MSRB3: variants seen among roughly 807,000 people sequenced by gnomAD.
The protein encoded by MSRB3 is methionine-R-sulfoxide reductase B3.
Under a neutral mutation model 21.0 loss-of-function variants are expected in MSRB3, and 13 were observed. That is an observed-to-expected ratio of 0.62 (90% CI 0.40 to 0.98). MSRB3 has a LOEUF of 0.98. MSRB3 is among the 50% of genes least tolerant of loss of function. The probability of loss-of-function intolerance (pLI) is 0.00; values close to 1 mark genes in which losing one functional copy is unlikely to be tolerated. For missense variants in MSRB3, 199 were observed against 230.3 expected (o/e 0.86, Z 0.88); for synonymous variants, 87 against 88.6 (o/e 0.98, Z 0.10).
rs188086969 is a variant in MSRB3 at position 65,329,258 on chromosome 12, A to G, written c.263+655A>G. On this transcript the variant is annotated intron_variant, in intron 4 of 6. Coordinates refer to ENST00000308259, the MANE Select transcript of MSRB3 (RefSeq NM_001031679.3). ...TATTCAAGAAAGGGAAATCTTTACC[A>G]AAAACTTATTTATCTAGGTGGAGAA... Among the ~76,000 whole-genome samples, 322 of 152,338 alleles carry G rather than the reference A, an allele frequency of 2.1e-3. 6 individuals carry two copies. Among genetic ancestry groups the G allele is most frequent in the Admixed American group, 0.02 (299 of 15,300 alleles).
chr12:65,399,744 T>A (rs1157594147), intron 5 of MSRB3, among the ~76,000 whole-genome samples: 4 of 152,234 alleles, frequency 2.6e-5, no homozygotes, highest in Non-Finnish European at 4.4e-5. Flanking sequence ...GGGTTTGTCA[T>A]AAATAGCTCT....
At chr12:65,333,322 G>T (rs1172399397) in intron 4 of MSRB3, among the ~76,000 whole-genome samples, 1 of 152,150 alleles carries the variant, frequency 6.6e-6, no homozygotes, top group African/African-American at 2.4e-5. Context: ...AAATGCTTTT[G>T]TATGTAATAG....
At chr12:65,318,234 A>G (rs1874429126) in intron 2 of MSRB3, among the ~76,000 whole-genome samples, 1 of 152,072 alleles carries the variant, frequency 6.6e-6, no homozygotes, top group Non-Finnish European at 1.5e-5. Context: ...TTGGGTGGTA[A>G]TGTAATTTTG....
intron 5 of MSRB3, among the ~76,000 whole-genome samples, chr12:65,447,385 G>C (rs1882665840): frequency 6.6e-6 from 1 of 151,984 alleles, no homozygotes; most frequent in Non-Finnish European, 1.5e-5. Context: ...GATATTTTAG[G>C]GAATCATAGA....
intron 1 of MSRB3, among the ~76,000 whole-genome samples, chr12:65,299,108 T>C (rs1873158402): frequency 6.6e-6 from 1 of 152,204 alleles, no homozygotes; most frequent in Non-Finnish European, 1.5e-5. Flanking sequence ...TCTGAAGTCA[T>C]GTTTTAAAAT....
At chr12:65,290,721 A>G (rs771864202) in intron 1 of MSRB3, among the ~76,000 whole-genome samples, 6 of 152,138 alleles carry the variant, frequency 3.9e-5, no homozygotes, top group Non-Finnish European at 7.4e-5. Context: ...TAGTTTCTTC[A>G]TATTTGGACA....
chr12:65,348,129 TC>T (rs1488756791), intron 4 of MSRB3, among the ~76,000 whole-genome samples: 1 of 152,210 alleles, frequency 6.6e-6, no homozygotes, highest in Non-Finnish European at 1.5e-5. Context: ...TCCCTCTTTT[TC>T]TGTTGATTGG....
At chr12:65,309,517 A>G (rs1565825501) in intron 2 of MSRB3, among the ~76,000 whole-genome samples, 1 of 152,074 alleles carries the variant, frequency 6.6e-6, no homozygotes, top group Non-Finnish European at 1.5e-5. Context: ...AACAAGTACA[A>G]GGTGGAAATG....
intron 4 of MSRB3, among the ~76,000 whole-genome samples, chr12:65,348,654 C>T (rs757604169): frequency 1.3e-5 from 2 of 151,864 alleles, no homozygotes; most frequent in Non-Finnish European, 2.9e-5. Flanking sequence ...GCTCTTGCTT[C>T]TCTAGTTCTT....
At chr12:65,285,446 A>G (rs1193403347) in intron 1 of MSRB3, 1 of 152,172 alleles carries the variant, frequency 6.6e-6, no homozygotes, top group Non-Finnish European at 1.5e-5. Flanking sequence ...AAGTTGAGGG[A>G]ATGTATTTTA....
intron 1 of MSRB3, among the ~76,000 whole-genome samples, chr12:65,291,526 G>A (rs1324897128): frequency 6.7e-6 from 1 of 148,880 alleles, no homozygotes; most frequent in Non-Finnish European, 1.5e-5. Flanking sequence ...CCCACCCAAC[G>A]ATCAATCTAT....
At chr12:65,404,720 G>A (rs1196205799) in intron 5 of MSRB3, among the ~76,000 whole-genome samples, 1 of 152,138 alleles carries the variant, frequency 6.6e-6, no homozygotes, top group Non-Finnish European at 1.5e-5. Flanking sequence ...GAATGACTAA[G>A]TCAAGCTAAT....
chr12:65,454,273 G>A (rs1442685021), intron 6 of MSRB3: 2 of 181,360 alleles, frequency 1.1e-5, no homozygotes, highest in East Asian at 1.4e-4. Context: ...GGGAGACAGA[G>A]CAAGACCCTG....
intron 5 of MSRB3, among the ~76,000 whole-genome samples, chr12:65,387,164 A>G (rs1035340467): frequency 2.0e-5 from 3 of 152,098 alleles, no homozygotes; most frequent in Non-Finnish European, 2.9e-5. Flanking sequence ...GCAATGAACA[A>G]GGGGAAATAA....
chr12:65,421,251 TA>T (rs36064372), intron 5 of MSRB3, among the ~76,000 whole-genome samples: 27,326 of 152,216 alleles, frequency 0.18, 2,944 homozygotes, highest in Admixed American at 0.25. Flanking sequence ...GTTGACCACA[TA>T]CATGTCTTCT....
At chr12:65,448,463 A>C (rs1374857051) in intron 5 of MSRB3, among the ~76,000 whole-genome samples, 1 of 152,190 alleles carries the variant, frequency 6.6e-6, no homozygotes, top group Admixed American at 6.5e-5. Flanking sequence ...AATGGAGGGG[A>C]GATTATGTAG....
At chr12:65,354,238 C>A (rs1877238184) in intron 4 of MSRB3, among the ~76,000 whole-genome samples, 1 of 151,852 alleles carries the variant, frequency 6.6e-6, no homozygotes, top group South Asian at 2.1e-4. Context: ...ATCTTTGTGG[C>A]ATTCTCTGTA....
At chr12:65,368,164 GA>G (rs904305100) in intron 4 of MSRB3, among the ~76,000 whole-genome samples, 11 of 151,758 alleles carry the variant, frequency 7.2e-5, no homozygotes, top group Non-Finnish European at 1.2e-4. Context: ...ATTTCTCCAG[GA>G]AAAAAAAGTC....
At chr12:65,345,356 G>T (rs538948501) in intron 4 of MSRB3, among the ~76,000 whole-genome samples, 16 of 152,106 alleles carry the variant, frequency 1.1e-4, no homozygotes, top group African/African-American at 9.6e-5. Flanking sequence ...ATAAAAGATG[G>T]CTCATTGGGA....
Sources: allele counts gnomAD v4.1 joint callset (sites outside exome capture counted in the v4.1 genomes callset), GRCh38; gene constraint gnomAD v4.1.1; transcripts MANE v1.5; gene names NCBI Gene and HGNC (gene_info 2026-07-23, HGNC 2026-07-21).